Variants in VAPB observed in about 807,000 individuals in gnomAD.
VAPB encodes VAMP associated protein B and C.
Under a neutral mutation model 25.6 loss-of-function variants are expected in VAPB, and 7 were observed. The observed-to-expected ratio is 0.27, with a 90% CI of 0.16 to 0.51. The LOEUF is 0.51. VAPB is among the 20% of genes least tolerant of loss of function. The probability of loss-of-function intolerance (pLI) is 0.97; values close to 1 mark genes in which losing one functional copy is unlikely to be tolerated. For missense variants in VAPB, 266 were observed against 301.3 expected (o/e 0.88, Z 0.87); for synonymous variants, 112 against 109.2 (o/e 1.03, Z -0.16).
intron 2 of VAPB, among the ~76,000 whole-genome samples, chr20:58,419,092 C>G (rs1988613103): frequency 1.3e-5 from 2 of 152,116 alleles, no homozygotes; most frequent in East Asian, 3.9e-4. Flanking sequence ...CTTCTCCATC[C>G]AAGAAGGAGC....
At chr20:58,423,634 G>C (rs911184983) in intron 2 of VAPB, among the ~76,000 whole-genome samples, 1 of 152,242 alleles carries the variant, frequency 6.6e-6, no homozygotes, top group Non-Finnish European at 1.5e-5. Context: ...GTGCACTAGG[G>C]TATAAACGCA....
At chr20:58,431,144 C>G (rs911167819) in intron 2 of VAPB, 1 of 152,200 alleles carries the variant, frequency 6.6e-6, no homozygotes, top group Admixed American at 6.5e-5. Flanking sequence ...ATGTCTGTGA[C>G]TTTTTGAACA....
intron 5 of VAPB, among the ~76,000 whole-genome samples, chr20:58,442,422 A>G (rs1383841565): frequency 6.6e-6 from 1 of 152,224 alleles, no homozygotes; most frequent in Non-Finnish European, 1.5e-5. Flanking sequence ...AATAGCTTCT[A>G]TATAACCTAA....
chr20:58,405,972 T>C (rs1310045321), intron 1 of VAPB, among the ~76,000 whole-genome samples: 1 of 151,982 alleles, frequency 6.6e-6, no homozygotes, highest in Non-Finnish European at 1.5e-5. Flanking sequence ...TAGAGGAATA[T>C]AGAGGAATGT....
chr20:58,389,282 C>A lies in VAPB; in HGVS notation c.-178C>A. On this transcript the variant is annotated 5_prime_UTR_variant, in exon 1 of 6. Coordinates refer to ENST00000475243, the MANE Select transcript of VAPB (RefSeq NM_004738.5). ...GCCTCGCCCTCGCCCTCCGCCCCTG[C>A]GCCTGCACCGCGTAGACCGACCCCC... 2.8e-6 allele frequency: 2 copies of A among 716,158 alleles called. No individual in the cohort carries two copies. Among genetic ancestry groups the A allele is most frequent in the Non-Finnish European group, 2.5e-6 (1 of 406,986 alleles). The allele number at this position is 716,158 out of a possible 1,614,324, so 44.4% of individuals were successfully genotyped here.
intron 1 of VAPB, among the ~76,000 whole-genome samples, chr20:58,396,081 A>G (rs998711690): frequency 3.3e-5 from 5 of 151,970 alleles, no homozygotes; most frequent in Non-Finnish European, 5.9e-5. Context: ...AGTTGAGAAA[A>G]TGGCATAGTC....
At chr20:58,423,642 G>T (rs962716164) in intron 2 of VAPB, among the ~76,000 whole-genome samples, 5 of 152,118 alleles carry the variant, frequency 3.3e-5, no homozygotes, top group African/African-American at 1.2e-4. Flanking sequence ...GGGTATAAAC[G>T]CACAGAGCCC....
At chr20:58,441,240 TGA>T (rs970155995) in intron 5 of VAPB, among the ~76,000 whole-genome samples, 157 bp downstream of exon 5, 8 of 152,100 alleles carry the variant, frequency 5.3e-5, no homozygotes, top group Admixed American at 1.3e-4. Flanking sequence ...ATGGCTTTCA[TGA>T]GAGTCTCAAA....
Position 58,445,684 on chromosome 20 carries a change from CTGTGTGTGTGTGTGTGTGTGTGTGTG to C in VAPB, c.*1461_*1486del, listed in dbSNP as rs138225455. On this transcript the variant is annotated 3_prime_UTR_variant, in exon 6 of 6. Transcript: ENST00000475243. ...GAAATACGTGTTTCATGATTTAACTCTGTGTGTGTGTGTGTGTGTGTGTGTGTGTGTGTGTGTATTTTTTTTTTGGT... is the reference window on the plus strand; with the variant it reads ...GAAATACGTGTTTCATGATTTAACTCTGTGTGTGTGTATTTTTTTTTTGGT... 7.9e-5 allele frequency: 34 copies of C among 432,636 alleles called. No individual in the cohort carries two copies. Among genetic ancestry groups the C allele is most frequent in the Non-Finnish European group, 1.3e-4 (29 of 216,884 alleles). 26.8% of individuals were successfully genotyped at this position (432,636 alleles called of 1,614,324 possible).
At chr20:58,422,839 T>C (rs1289674316) in intron 2 of VAPB, among the ~76,000 whole-genome samples, 1 of 152,136 alleles carries the variant, frequency 6.6e-6, no homozygotes, top group East Asian at 1.9e-4. Flanking sequence ...TGCACATTGG[T>C]TGCCTGTGTC....
At chr20:58,433,403 T>TGGG (rs1191780521) in intron 2 of VAPB, among the ~76,000 whole-genome samples, 1 of 152,198 alleles carries the variant, frequency 6.6e-6, no homozygotes, top group Non-Finnish European at 1.5e-5. Flanking sequence ...AGGAAGCACC[T>TGGG]GGGAAGTCCT....
intron 2 of VAPB, among the ~76,000 whole-genome samples, chr20:58,425,450 T>C (rs1269120838): frequency 1.3e-5 from 2 of 152,238 alleles, no homozygotes; most frequent in Non-Finnish European, 2.9e-5. Context: ...GGTGCAAACC[T>C]GTTAGCTAAC....
At chr20:58,402,220 G>A (rs1429752749) in intron 1 of VAPB, among the ~76,000 whole-genome samples, 2 of 152,268 alleles carry the variant, frequency 1.3e-5, no homozygotes, top group East Asian at 3.9e-4. Context: ...TTCCAGCATC[G>A]TCTTTCCTCA....
At chr20:58,393,033 G>A (rs1303779358) in intron 1 of VAPB, among the ~76,000 whole-genome samples, 2 of 152,136 alleles carry the variant, frequency 1.3e-5, no homozygotes, top group East Asian at 1.9e-4. Flanking sequence ...CTTTCTGAGA[G>A]AGTAAATGTT....
chr20:58,413,892 G>C (rs1335270406), intron 1 of VAPB, among the ~76,000 whole-genome samples: 1 of 119,338 alleles, frequency 8.4e-6, no homozygotes, highest in Admixed American at 7.5e-5. Flanking sequence ...TTCCCAGTAG[G>C]GGCGGCCGGG....
At chr20:58,436,809 C>A (rs1252465458) in intron 3 of VAPB, among the ~76,000 whole-genome samples, 1 of 152,004 alleles carries the variant, frequency 6.6e-6, no homozygotes, top group Non-Finnish European at 1.5e-5. Context: ...TGACACTTCA[C>A]CCCTAAATGC....
At chr20:58,423,861 G>A (rs1350733500) in intron 2 of VAPB, among the ~76,000 whole-genome samples, 1 of 152,196 alleles carries the variant, frequency 6.6e-6, no homozygotes, top group Non-Finnish European at 1.5e-5. Context: ...TTTAAAAGAT[G>A]TCTTTAATCT....
rs397865707 is a variant in VAPB, at chr20:58,395,152, C to CTT, written c.58+5652_58+5653dup. Among the ~76,000 whole-genome samples, 302 of 128,536 alleles carry CTT rather than the reference C, an allele frequency of 2.3e-3. 3 individuals carry two copies. The highest frequency in any genetic ancestry group is 6.5e-3 in the African/African-American group (220 of 33,668). 84.3% of individuals were successfully genotyped at this position (128,536 alleles called of 152,430 possible). A position where few individuals can be genotyped will look rare whatever the true frequency, so the allele number is the denominator to read the frequency against. The stretch of plus-strand genomic sequence containing the variant: ...CATAAAGAATTATCTCCAAAAGTGT[C>CTT]TTTTTTTTTTTTTTTTTTGAGATGG... On this transcript the variant is annotated intron_variant, in intron 1 of 5. Coordinates refer to ENST00000475243, the MANE Select transcript of VAPB (RefSeq NM_004738.5).
intron 1 of VAPB, among the ~76,000 whole-genome samples, chr20:58,399,311 A>G (rs973537792): frequency 1.1e-4 from 16 of 151,898 alleles, no homozygotes; most frequent in African/African-American, 3.1e-4. Flanking sequence ...AAAAAAAAAA[A>G]AGAGAGAAAA....
Sources: gnomAD v4.1 joint callset for allele counts (sites outside exome capture counted in the v4.1 genomes callset) on GRCh38, gnomAD v4.1.1 for gene constraint, MANE v1.5 for transcripts, NCBI Gene and HGNC (gene_info 2026-07-23, HGNC 2026-07-21) for gene names.